The following TMX4 variants were observed in gnomAD, a reference collection of about 807,000 sequenced individuals.
TMX4 encodes the protein thioredoxin-related transmembrane protein 4.
In TMX4, 23 loss-of-function variants were observed where a neutral mutation model predicts 33.3. The ratio of observed to expected loss-of-function variants is 0.69; its 90% CI spans 0.50 to 0.98. The LOEUF (loss-of-function observed/expected upper bound fraction) is 0.98, where lower values mean the gene tolerates loss of function less well. Ranked by LOEUF, TMX4 falls within the 50% of genes least tolerant of loss-of-function variation. The probability of loss-of-function intolerance (pLI) is 0.00; values close to 1 mark genes in which losing one functional copy is unlikely to be tolerated. For missense variants in TMX4, 399 were observed against 448.9 expected (o/e 0.89, Z 1.01); for synonymous variants, 164 against 161.5 (o/e 1.02, Z -0.12).
intron 2 of TMX4, among the ~76,000 whole-genome samples, 191 bp downstream of exon 2, chr20:8,010,009 G>T (rs111873243): frequency 4.8e-4 from 73 of 151,906 alleles, no homozygotes; most frequent in African/African-American, 1.6e-3. Context: ...AAATATATAT[G>T]CAAATATGTA....
intron 1 of TMX4, among the ~76,000 whole-genome samples, 182 bp from the exon 2 acceptor site, chr20:8,010,497 T>C (rs2050748537): frequency 6.6e-6 from 1 of 152,186 alleles, no homozygotes; most frequent in Non-Finnish European, 1.5e-5. Flanking sequence ...ATTTAATGTA[T>C]GAATGTCAAT....
rs2050804517 is a variant in TMX4, at chr20:8,019,648, G to A, written c.-35C>T. 7.6e-7 allele frequency: 1 copy of A among 1,311,180 alleles called. No individual in the cohort carries two copies. Among genetic ancestry groups the A allele is most frequent in the Non-Finnish European group, 9.7e-7 (1 of 1,030,020 alleles). The allele number at this position is 1,311,180 out of a possible 1,614,324, so 81.2% of individuals were successfully genotyped here. On this transcript the variant is annotated 5_prime_UTR_variant, in exon 1 of 8. Transcript: ENST00000246024. ...CGAGCGAGGCTTCTCGGCGGGGAGT[G>A]TGGGGAAGGGCAGCGGCCGGCCCGC...
chr20:8,014,146 G>C (rs2050763523), intron 1 of TMX4, among the ~76,000 whole-genome samples: 1 of 152,238 alleles, frequency 6.6e-6, no homozygotes, highest in African/African-American at 2.4e-5. Context: ...ACAAAAGGTA[G>C]AGGAAACATA....
chr20:8,014,172 A>G (rs1287101624), intron 1 of TMX4, among the ~76,000 whole-genome samples: 1 of 152,226 alleles, frequency 6.6e-6, no homozygotes, highest in African/African-American at 2.4e-5. Context: ...TGGCAGCTCT[A>G]TGAAAATCAT....
intron 2 of TMX4, among the ~76,000 whole-genome samples, chr20:8,009,436 C>CA (rs1014205994): frequency 2.0e-5 from 3 of 151,956 alleles, no homozygotes; most frequent in African/African-American, 7.2e-5. Context: ...CTTAAAACCC[C>CA]AAAAAATCAT....
At position 7,980,313 on chromosome 20, in the gene TMX4, C is replaced by A. The variant is rs2050599684; in HGVS notation, c.*1938G>T. ...TGAAACCATTCTTATTCCATAATAC[C>A]TCTGAACCTGAGTTTACTGTTCTTT... On this transcript the variant is annotated 3_prime_UTR_variant, in exon 8 of 8. Coordinates refer to ENST00000246024, the MANE Select transcript of TMX4 (RefSeq NM_021156.4). The A allele has an allele frequency of 6.6e-6, 1 of 152,118 alleles. No homozygotes were observed. The highest frequency in any genetic ancestry group is 1.5e-5 in the Non-Finnish European group (1 of 68,042). The allele number at this position is 152,118 out of a possible 1,614,324, so 9.4% of individuals were successfully genotyped here.
intron 1 of TMX4, among the ~76,000 whole-genome samples, chr20:8,011,486 A>T (rs1018322864): frequency 6.6e-6 from 1 of 152,034 alleles, no homozygotes; most frequent in African/African-American, 2.4e-5. Context: ...AAAAAAAAAA[A>T]TCAATGCAAT....
At chr20:8,001,410 G>T in intron 3 of TMX4, 86 bp downstream of exon 3, 1 of 1,313,602 alleles carries the variant, frequency 7.6e-7, no homozygotes, top group Non-Finnish European at 1.1e-6. Flanking sequence ...CTGAATGAGT[G>T]GCAGTCATGG....
chr20:8,006,111 C>A (rs1009801901), intron 2 of TMX4, among the ~76,000 whole-genome samples: 1 of 152,034 alleles, frequency 6.6e-6, no homozygotes, highest in South Asian at 2.1e-4. Context: ...TAAACATTCA[C>A]CCCTTTATGC....
Position 8,012,328 on chromosome 20 carries a change from A to T in TMX4, c.177-2013T>A, listed in dbSNP as rs1276911423. Among the ~76,000 whole-genome samples the T allele has an allele frequency of 2.6e-5, 4 of 152,170 alleles. 1 individual carries two copies. The South Asian group carries it at 6.2e-4, about 24-fold the overall frequency. The stretch of plus-strand genomic sequence containing the variant: ...ATCAGATGAAATACGAAGCAGGCAC[A>T]TATTTATTTAATAGGAGCAACCATT... On this transcript the variant is annotated intron_variant, in intron 1 of 7. Coordinates refer to ENST00000246024, the MANE Select transcript of TMX4 (RefSeq NM_021156.4).
intron 1 of TMX4, among the ~76,000 whole-genome samples, chr20:8,012,866 T>C (rs1301873285): frequency 6.6e-6 from 1 of 152,190 alleles, no homozygotes; most frequent in Non-Finnish European, 1.5e-5. Flanking sequence ...GTCTGTGGCA[T>C]TGTTAATGCC....
chr20:8,010,449 T>G lies in TMX4; in HGVS notation c.177-134A>C, dbSNP rs1025046824. ...TAAAAGGAGGCTTTTCCAAAGTCAT[T>G]TGACATAGAAAAACAGAAGCACATT... On this transcript the variant is annotated intron_variant, in intron 1 of 7. Coordinates refer to ENST00000246024, the MANE Select transcript of TMX4 (RefSeq NM_021156.4). 9 of 494,812 alleles carry G rather than the reference T, an allele frequency of 1.8e-5. No homozygotes were observed. The South Asian group carries it at 4.4e-4, about 24-fold the overall frequency. The allele number at this position is 494,812 out of a possible 1,614,324, so 30.7% of individuals were successfully genotyped here. A position where few individuals can be genotyped will look rare whatever the true frequency, so the allele number is the denominator to read the frequency against.
chr20:8,019,530 C>T lies in TMX4; in HGVS notation c.84G>A (p.Glu28=), dbSNP rs775402030. The change falls in exon 1 of 8, where the codon GAG becomes GAA. Residue 28 remains glutamate (E), a synonymous_variant. Transcript: ENST00000246024. The part of the protein sequence containing the change: ...IAAVAATAGP[E]EAALPPEQSR... Reference sequence around the variant, plus strand: ...TCTGCTCCGGCGGCAGCGCGGCCTCCTCGGGGCCTGCCGTCGCCGCCACAG... The same window carrying T: ...TCTGCTCCGGCGGCAGCGCGGCCTCTTCGGGGCCTGCCGTCGCCGCCACAG... The T allele has an allele frequency of 2.6e-5, 39 of 1,488,232 alleles. No homozygotes were observed. The South Asian group carries it at 4.6e-4, about 18-fold the overall frequency. 92.2% of individuals were successfully genotyped at this position (1,488,232 alleles called of 1,614,324 possible).
intron 1 of TMX4, among the ~76,000 whole-genome samples, chr20:8,010,828 T>TA (rs2050750020): frequency 6.6e-6 from 1 of 152,164 alleles, no homozygotes; most frequent in South Asian, 2.1e-4. Context: ...GTAGAAGCTA[T>TA]AGGCTAAACC....
chr20:8,007,466 G>A (rs758031525), intron 2 of TMX4, among the ~76,000 whole-genome samples: 7 of 152,114 alleles, frequency 4.6e-5, no homozygotes, highest in Admixed American at 2.0e-4. Flanking sequence ...TCACATAGCT[G>A]CCAAAGGAAT....
intron 2 of TMX4, among the ~76,000 whole-genome samples, chr20:8,006,218 A>C (rs563228846): frequency 0.021 from 3,239 of 152,242 alleles, 56 homozygotes; most frequent in Non-Finnish European, 0.032. Context: ...CCCAACGCAC[A>C]CCCTGTGAGG....
chr20:8,018,521 A>AGAGAGAGAGAGAGAGG (rs1568541343), intron 1 of TMX4, among the ~76,000 whole-genome samples: 2 of 42,096 alleles, frequency 4.8e-5, no homozygotes, highest in Non-Finnish European at 7.1e-5. Flanking sequence ...AGAGAGAGAG[A>AGAGAGAGAGAGAGAGG]GAGAGAGTCT....
intron 5 of TMX4, among the ~76,000 whole-genome samples, chr20:7,989,958 T>C (rs1402356277): frequency 6.6e-6 from 1 of 152,060 alleles, no homozygotes; most frequent in Non-Finnish European, 1.5e-5. Flanking sequence ...AAATGTAAAC[T>C]GATGGGCATG....
chr20:8,005,433 T>C (rs1245670085), intron 2 of TMX4, among the ~76,000 whole-genome samples: 1 of 152,206 alleles, frequency 6.6e-6, no homozygotes, highest in African/African-American at 2.4e-5. Context: ...TTATAGTCTC[T>C]AGTTTTGATG....
Sources: allele counts gnomAD v4.1 joint callset (sites outside exome capture counted in the v4.1 genomes callset), GRCh38; gene constraint gnomAD v4.1.1; transcripts MANE v1.5; gene names NCBI Gene and HGNC (gene_info 2026-07-23, HGNC 2026-07-21).